The following TDRKH variants were observed in gnomAD, a reference collection of about 807,000 sequenced individuals.
The protein encoded by TDRKH is tudor and KH domain-containing protein.
A neutral mutation model predicts 61.3 loss-of-function variants in TDRKH; 28 were observed. The ratio of observed to expected loss-of-function variants is 0.46; its 90% CI spans 0.34 to 0.63. The LOEUF (loss-of-function observed/expected upper bound fraction) is 0.63, where lower values mean the gene tolerates loss of function less well. Ranked by LOEUF, TDRKH falls within the 20% of genes least tolerant of loss-of-function variation. TDRKH has a pLI of 0.01. For synonymous variants in TDRKH, 219 were observed against 244.4 expected (o/e 0.90, Z 0.97); for missense variants, 540 against 683.4 (o/e 0.79, Z 2.34).
downstream of TDRKH, chr1:151,767,481 A>C: frequency 6.3e-6 from 8 of 1,263,838 alleles, no homozygotes; most frequent in East Asian, 2.7e-5. Context: ...AATCAAGGTC[A>C]TACAGATGGT....
chr1:151,767,171 A>G (rs1329246065), downstream of TDRKH: 1 of 1,613,916 alleles, frequency 6.2e-7, no homozygotes, highest in African/African-American at 1.3e-5. Flanking sequence ...AGCATCACTT[A>G]TAAGGAAGAG....
Position 151,773,571 on chromosome 1 carries a change from C to T in TDRKH, c.*881G>A, listed in dbSNP as rs760002026. The T allele has an allele frequency of 3.3e-5, 5 of 152,636 alleles. No homozygotes were observed. Among genetic ancestry groups the T allele is most frequent in the Non-Finnish European group, 5.9e-5 (4 of 68,018 alleles). The allele number at this position is 152,636 out of a possible 1,614,324, so 9.5% of individuals were successfully genotyped here. A position where few individuals can be genotyped will look rare whatever the true frequency, so the allele number is the denominator to read the frequency against. ...ACTGTATACTCTTCCTCTCTCTCCA[C>T]GGGTGTATATGTGTGTATACATATA... On this transcript the variant is annotated 3_prime_UTR_variant, in exon 13 of 13. Transcript: ENST00000368824.
At chr1:151,781,861 C>G in intron 2 of TDRKH, 1 of 449,730 alleles carries the variant, frequency 2.2e-6, no homozygotes, top group South Asian at 1.9e-5. Flanking sequence ...GGGCAAACTA[C>G]TTCTCCCAAG....
chr1:151,768,091 CT>C, downstream of TDRKH: 4 of 1,614,018 alleles, frequency 2.5e-6, no homozygotes, highest in South Asian at 4.4e-5. Flanking sequence ...TACTGACCCC[CT>C]GCTCCACCAG....
chr1:151,777,661 T>C (rs574372669), intron 6 of TDRKH, among the ~76,000 whole-genome samples: 1 of 152,210 alleles, frequency 6.6e-6, no homozygotes, highest in African/African-American at 2.4e-5. Flanking sequence ...AAAAAGACTT[T>C]TTATTGCTTC....
At chr1:151,767,958 A>C, downstream of TDRKH, 4 of 1,457,436 alleles carry the variant, frequency 2.7e-6, no homozygotes, top group Non-Finnish European at 3.7e-6. Context: ...CAATTCTCCC[A>C]GGCTCTCCCC....
Position 151,774,227 on chromosome 1 carries a change from C to A in TDRKH, c.*225G>T. ...CCATGCACCAATTCCTATGCCAAAT[C>A]CTGCCAAAGACAGAAATACACAAAA... On this transcript the variant is annotated 3_prime_UTR_variant, in exon 13 of 13. Transcript: ENST00000368824. 1.8e-6 allele frequency: 1 copy of A among 561,840 alleles called. No homozygotes were observed. Among genetic ancestry groups the A allele is most frequent in the South Asian group, 2.3e-5 (1 of 44,178 alleles). The allele number at this position is 561,840 out of a possible 1,614,324, so 34.8% of individuals were successfully genotyped here. A position where few individuals can be genotyped will look rare whatever the true frequency, so the allele number is the denominator to read the frequency against.
At chr1:151,779,307 C>A in intron 4 of TDRKH, 65 bp from the exon 5 acceptor site, 1 of 1,579,168 alleles carries the variant, frequency 6.3e-7, no homozygotes, top group South Asian at 1.2e-5. Context: ...CTGGAGAAAT[C>A]ACTGTTTTGT....
Position 151,781,537 on chromosome 1 carries a change from C to G in TDRKH, c.175G>C (p.Val59Leu). Residue 59 changes from valine (V) to leucine (L), a missense_variant, in exon 3 of 13, where the codon GTT becomes CTT. Val to Leu is a conservative substitution (Grantham distance 32). This residue lies in a region of TDRKH where 156 missense variants were observed against 218.0 expected (regional missense o/e 0.72). Transcript: ENST00000368824. ...GEDDIEIEMR[V>L]PQEAVKLIIG... is the part of the protein sequence containing the mutation. ...ATGAGTTTCACAGCCTCCTGGGGAA[C>G]CCGCATCTCTATCTCAATGTCATCT... 2 of 1,613,474 alleles carry G rather than the reference C, an allele frequency of 1.2e-6. No homozygotes were observed. The highest frequency in any genetic ancestry group is 1.7e-6 in the Non-Finnish European group (2 of 1,179,810).
At chr1:151,785,715 C>T (rs1380924432) in intron 1 of TDRKH, among the ~76,000 whole-genome samples, 29 of 152,010 alleles carry the variant, frequency 1.9e-4, no homozygotes, top group Admixed American at 1.8e-3. Context: ...GAAATCCTTC[C>T]CCACTCTTCC....
chr1:151,785,290 G>T (rs917062306), intron 1 of TDRKH, among the ~76,000 whole-genome samples: 1 of 152,118 alleles, frequency 6.6e-6, no homozygotes, highest in Non-Finnish European at 1.5e-5. Context: ...CACCTAGCCT[G>T]TCAACAAATC....
At chr1:151,781,100 G>A (rs1649716085) in intron 3 of TDRKH, among the ~76,000 whole-genome samples, 1 of 151,418 alleles carries the variant, frequency 6.6e-6, no homozygotes, top group African/African-American at 2.4e-5. Context: ...CGGATCACCT[G>A]AGGTCAGGAG....
intron 1 of TDRKH, among the ~76,000 whole-genome samples, chr1:151,786,599 GCATCTGGCCTCACAGCTTTA>G (rs1169966215): frequency 6.6e-6 from 1 of 152,196 alleles, no homozygotes; most frequent in Admixed American, 6.5e-5. Flanking sequence ...ACCAGAATTT[GCATCTGGCCTCACAGCTTTA>G]CTGATCAACA....
intron 8 of TDRKH, 64 bp downstream of exon 8, chr1:151,776,032 C>G: frequency 6.3e-7 from 1 of 1,578,934 alleles, no homozygotes; most frequent in East Asian, 2.3e-5. Flanking sequence ...CAACTGCCAA[C>G]AGCTCACCAC....
intron 1 of TDRKH, chr1:151,783,671 C>T (rs942991058): frequency 6.6e-6 from 1 of 152,320 alleles, no homozygotes; most frequent in East Asian, 1.9e-4. Flanking sequence ...CCACAAAACT[C>T]TTTCCTTGGT....
downstream of TDRKH, chr1:151,766,605 G>A (rs1047737903): frequency 8.3e-7 from 1 of 1,206,612 alleles, no homozygotes; most frequent in Non-Finnish European, 1.2e-6. Flanking sequence ...TGACATAAGG[G>A]CTGACCCCTT....
In TDRKH at chr1:151,773,667, G is replaced by A. The variant is rs1048258909; in HGVS notation, c.*785C>T. ...CTTTCTACTTATATTTTAACTAAAGGTTACAGAGAAATAGCTGGAGCAGTT... is the reference window on the plus strand; with the variant it reads ...CTTTCTACTTATATTTTAACTAAAGATTACAGAGAAATAGCTGGAGCAGTT... On this transcript the variant is annotated 3_prime_UTR_variant, in exon 13 of 13. Coordinates refer to ENST00000368824, the MANE Select transcript of TDRKH (RefSeq NM_001083965.2). 5.9e-5 allele frequency: 9 copies of A among 152,120 alleles called. No homozygotes were observed. The highest frequency in any genetic ancestry group is 1.7e-4 in the African/African-American group (7 of 41,390). 9.4% of individuals were successfully genotyped at this position (152,120 alleles called of 1,614,324 possible). A position where few individuals can be genotyped will look rare whatever the true frequency, so the allele number is the denominator to read the frequency against.
At chr1:151,781,209 C>T (rs1156645886) in intron 3 of TDRKH, among the ~76,000 whole-genome samples, 2 of 148,574 alleles carry the variant, frequency 1.3e-5, no homozygotes, top group Non-Finnish European at 3.0e-5. Flanking sequence ...CCCAGCTACT[C>T]GGGAGGCTGA....
At chr1:151,781,668 C>T in intron 2 of TDRKH, 81 bp from the exon 3 acceptor site, 1 of 1,267,038 alleles carries the variant, frequency 7.9e-7, no homozygotes, top group Non-Finnish European at 1.1e-6. Flanking sequence ...CAGAATCTGG[C>T]TGTCAAAGAG....
Sources: allele counts gnomAD v4.1 joint callset (sites outside exome capture counted in the v4.1 genomes callset), GRCh38; gene constraint gnomAD v4.1.1; regional missense constraint gnomAD v4.1.1; transcripts MANE v1.5; gene names NCBI Gene and HGNC (gene_info 2026-07-23, HGNC 2026-07-21).